UGT2B10: variants seen among roughly 807,000 people sequenced by gnomAD.
UGT2B10 encodes UDP-glucuronosyltransferase 2B10.
In UGT2B10, 51 loss-of-function variants were observed where a neutral mutation model predicts 43.7. The ratio of observed to expected loss-of-function variants is 1.17; its 90% CI spans 0.93 to 1.47. The LOEUF (loss-of-function observed/expected upper bound fraction) is 1.47. Among genes scored for constraint, UGT2B10 ranks in the 40% most tolerant of loss-of-function variants. UGT2B10 has a pLI of 0.00. For synonymous variants in UGT2B10, 225 were observed against 209.0 expected (o/e 1.08, Z -0.66); for missense variants, 696 against 617.7 (o/e 1.13, Z -1.34).
At chr4:68,825,534 T>A (rs1215123424) in intron 3 of UGT2B10, among the ~76,000 whole-genome samples, 1 of 152,104 alleles carries the variant, frequency 6.6e-6, no homozygotes, top group Non-Finnish European at 1.5e-5. Flanking sequence ...TGTTGCCTTC[T>A]ATGTGTACAT....
At chr4:68,827,909 G>A (rs1202244496) in intron 5 of UGT2B10, among the ~76,000 whole-genome samples, 5 of 150,390 alleles carry the variant, frequency 3.3e-5, no homozygotes, top group African/African-American at 1.2e-4. Context: ...AAATGTCTCA[G>A]AATATAACTA....
chr4:68,824,358 A>G (rs909480795), intron 3 of UGT2B10, among the ~76,000 whole-genome samples: 1 of 152,218 alleles, frequency 6.6e-6, no homozygotes, highest in Non-Finnish European at 1.5e-5. Context: ...GATCCTGTCC[A>G]GTATAAAATG....
intron 5 of UGT2B10, among the ~76,000 whole-genome samples, chr4:68,829,538 C>A (rs894133616): frequency 2.0e-5 from 3 of 151,552 alleles, no homozygotes; most frequent in African/African-American, 7.3e-5. Flanking sequence ...TTTAAAAATT[C>A]TAGGAATCAG....
chr4:68,827,187 C>G lies in UGT2B10; in HGVS notation c.1088-142C>G, dbSNP rs1317639312. The G allele has an allele frequency of 4.4e-6, 6 of 1,354,960 alleles. No individual in the cohort carries two copies. The Admixed American group carries it at 6.8e-5, about 15-fold the overall frequency. The allele number at this position is 1,354,960 out of a possible 1,614,324, so 83.9% of individuals were successfully genotyped here. ...TCAGTTACATCTCCAACACAAGTAC[C>G]TGTTTTTTCCTCTGAAATCTGAAAA... On this transcript the variant is annotated intron_variant, in intron 4 of 5. Transcript: ENST00000265403.
intron 3 of UGT2B10, 105 bp downstream of exon 3, chr4:68,822,507 C>T: frequency 6.3e-7 from 1 of 1,585,156 alleles, no homozygotes. Flanking sequence ...CTATTTATAG[C>T]TGAATACAAC....
chr4:68,816,078 G>T lies in UGT2B10; in HGVS notation c.59G>T (p.Gly20Val), dbSNP rs1227386791. 8 of 1,612,984 alleles carry T rather than the reference G, an allele frequency of 5.0e-6. No individual in the cohort carries two copies. In the African/African-American group the frequency reaches 9.4e-5, roughly 19 times the overall value. ...LIQLSFYFSS[G>V]SCGKVLVWAA... ...CAACTCAGTTTTTACTTTAGCTCTG[G>T]GAGTTGTGGAAAGGTGCTGGTATGG... Residue 20 changes from glycine to valine, a missense_variant, in exon 1 of 6, where the codon GGG (glycine) becomes GTG (valine). Physicochemically the swap from Gly to Val is moderately radical, Grantham distance 109. Coordinates refer to ENST00000265403, the MANE Select transcript of UGT2B10 (RefSeq NM_001075.6).
intron 4 of UGT2B10, among the ~76,000 whole-genome samples, chr4:68,826,811 T>C (rs1349198822): frequency 6.6e-6 from 1 of 152,048 alleles, no homozygotes; most frequent in Non-Finnish European, 1.5e-5. Flanking sequence ...TGTTTTCTCC[T>C]CTCCTGCAGG....
Position 68,827,266 on chromosome 4 carries a change from C to T in UGT2B10, c.1088-63C>T, listed in dbSNP as rs186422992. 31 of 1,609,238 alleles carry T rather than the reference C, an allele frequency of 1.9e-5. No individual in the cohort carries two copies. In the African/African-American group the frequency reaches 3.7e-4, roughly 19 times the overall value. ...CTAGAAAACACTGTCACTTTCAGAG[C>T]CTTTCATTGTGCATCTCATTTTATT... On this transcript the variant is annotated intron_variant, in intron 4 of 5. Coordinates refer to ENST00000265403, the MANE Select transcript of UGT2B10 (RefSeq NM_001075.6).
rs144261205 is a variant in UGT2B10, at chr4:68,828,323, T to C, written c.1307+775T>C. On this transcript the variant is annotated intron_variant, in intron 5 of 5. Coordinates refer to ENST00000265403, the MANE Select transcript of UGT2B10 (RefSeq NM_001075.6). ...GTGTGTTTTAATATTTAATTTCTTT[T>C]ACACTTGTATAATATTTTTTAATAT... 2.8e-3 allele frequency among the ~76,000 whole-genome samples: 433 copies of C among 152,152 alleles called. 2 individuals carry two copies. The highest frequency in any genetic ancestry group is 0.019 in the Admixed American group (287 of 15,250).
intron 2 of UGT2B10, among the ~76,000 whole-genome samples, chr4:68,818,403 G>T (rs844342): frequency 0.74 from 112,039 of 151,526 alleles, 45,676 homozygotes; most frequent in Non-Finnish European, 0.9. Context: ...TGAAAATAGG[G>T]TTGGTTAAAT....
Position 68,830,828 on chromosome 4 carries a change from G to A in UGT2B10, c.1536G>A (p.Leu512=). The part of the protein sequence containing the change: ...TVLFIITKCC[L]FCFWKFARKG... ...TATTTATCATCACAAAGTGTTGTCT[G>A]TTTTGTTTCTGGAAGTTTGCTAGAA... Residue 512 remains leucine, a synonymous_variant, in exon 6 of 6, where the codon CTG becomes CTA. Transcript: ENST00000265403. The A allele has an allele frequency of 1.2e-6, 2 of 1,613,066 alleles. No homozygotes were observed. The highest frequency in any genetic ancestry group is 1.7e-6 in the Non-Finnish European group (2 of 1,179,422).
At chr4:68,825,930 G>C (rs1737749247) in intron 3 of UGT2B10, among the ~76,000 whole-genome samples, 1 of 152,008 alleles carries the variant, frequency 6.6e-6, no homozygotes, top group Non-Finnish European at 1.5e-5. Flanking sequence ...CTTCCACAAT[G>C]ATTGAACTAA....
intron 1 of UGT2B10, among the ~76,000 whole-genome samples, chr4:68,817,308 A>C (rs931383323): frequency 1.4e-4 from 21 of 151,786 alleles, no homozygotes; most frequent in African/African-American, 5.1e-4. Flanking sequence ...AATAATTGGA[A>C]ATCTTTTATT....
intron 3 of UGT2B10, among the ~76,000 whole-genome samples, chr4:68,824,348 G>C (rs986689739): frequency 3.9e-5 from 6 of 152,168 alleles, no homozygotes; most frequent in African/African-American, 1.4e-4. Flanking sequence ...CCTGAAGGTG[G>C]ATCCTGTCCA....
At chr4:68,828,487 A>G (rs1285856364) in intron 5 of UGT2B10, among the ~76,000 whole-genome samples, 1 of 152,010 alleles carries the variant, frequency 6.6e-6, no homozygotes, top group African/African-American at 2.4e-5. Context: ...ACCTTTAAAG[A>G]AGATGGGAAA....
rs1738100575 is a variant in UGT2B10 at position 68,831,520 on chromosome 4, T to A, written c.*641T>A. ...AATTAGATATTCTTGAAATCAGAAA[T>A]GTGCTCCCTAATTATATGAAATGTT... On this transcript the variant is annotated 3_prime_UTR_variant, in exon 6 of 6. Transcript: ENST00000265403. 6.6e-6 allele frequency among the ~76,000 whole-genome samples: 1 copy of A among 152,068 alleles called. No homozygotes were observed. Among genetic ancestry groups the A allele is most frequent in the Non-Finnish European group, 1.5e-5 (1 of 67,996 alleles).
chr4:68,820,085 C>A (rs1020088341), intron 2 of UGT2B10, among the ~76,000 whole-genome samples: 1 of 151,912 alleles, frequency 6.6e-6, no homozygotes, highest in Non-Finnish European at 1.5e-5. Context: ...AAGATTTCCC[C>A]ACTCACACTA....
chr4:68,816,868 T>C (rs1737240488), intron 1 of UGT2B10, 131 bp downstream of exon 1: 1 of 827,588 alleles, frequency 1.2e-6, no homozygotes, highest in Non-Finnish European at 1.8e-6. Flanking sequence ...AAATACAAGA[T>C]GATCTACCAA....
intron 3 of UGT2B10, among the ~76,000 whole-genome samples, chr4:68,825,446 G>A (rs1021249918): frequency 1.3e-5 from 2 of 151,824 alleles, no homozygotes; most frequent in Admixed American, 6.6e-5. Flanking sequence ...CACGTATTAA[G>A]ACTAATATTC....
Sources: gnomAD v4.1 joint callset for allele counts (sites outside exome capture counted in the v4.1 genomes callset) on GRCh38, gnomAD v4.1.1 for gene constraint, MANE v1.5 for transcripts, NCBI Gene and HGNC (gene_info 2026-07-23, HGNC 2026-07-21) for gene names.